SRGAP2B: variants seen among roughly 807,000 people sequenced by gnomAD.
The protein encoded by SRGAP2B is SLIT-ROBO Rho GTPase-activating protein 2B.
In SRGAP2B, 9 loss-of-function variants were observed where a neutral mutation model predicts 22.2. That is an observed-to-expected ratio of 0.41 (90% CI 0.24 to 0.71). SRGAP2B has a LOEUF of 0.71. Ranked by LOEUF, SRGAP2B falls within the 30% of genes least tolerant of loss-of-function variation. The probability of loss-of-function intolerance (pLI) is 0.35; values close to 1 mark genes in which losing one functional copy is unlikely to be tolerated. For missense variants in SRGAP2B, 114 were observed against 235.8 expected (o/e 0.48, Z 3.38); for synonymous variants, 36 against 87.4 (o/e 0.41, Z 3.28).
At chr1:144,968,653 C>T (rs1668259336) in intron 3 of SRGAP2B, among the ~76,000 whole-genome samples, 1 of 118,446 alleles carries the variant, frequency 8.4e-6, no homozygotes, top group Non-Finnish European at 1.7e-5. Flanking sequence ...AGCAATCAGG[C>T]AGGAGAAGGA....
At chr1:144,912,100 G>A (rs1385079794) in intron 5 of SRGAP2B, among the ~76,000 whole-genome samples, 7 of 146,504 alleles carry the variant, frequency 4.8e-5, no homozygotes, top group Middle Eastern at 3.7e-3. Context: ...ACAGGCACCC[G>A]CCACCATGCC....
intron 2 of SRGAP2B, among the ~76,000 whole-genome samples, chr1:145,058,615 G>GTTT (rs1650658005): frequency 5.0e-5 from 3 of 59,668 alleles, no homozygotes; most frequent in African/African-American, 2.1e-4. Flanking sequence ...ACCAGTCAAT[G>GTTT]TCTTTTTTTT....
At chr1:145,031,824 G>GCGAC (rs1648372847) in intron 2 of SRGAP2B, among the ~76,000 whole-genome samples, 1 of 139,190 alleles carries the variant, frequency 7.2e-6, no homozygotes. Context: ...TCCAGCCTGG[G>GCGAC]CGACAGAGCA....
At chr1:145,007,223 G>A (rs1392261286) in intron 2 of SRGAP2B, among the ~76,000 whole-genome samples, 3 of 149,864 alleles carry the variant, frequency 2.0e-5, no homozygotes, top group Admixed American at 2.0e-4. Context: ...GATCACAACA[G>A]GATTTGAACC....
intron 2 of SRGAP2B, among the ~76,000 whole-genome samples, chr1:145,012,958 C>A (rs1672167293): frequency 6.7e-6 from 1 of 150,190 alleles, no homozygotes; most frequent in Non-Finnish European, 1.5e-5. Context: ...GGTGGTGCAC[C>A]TGTAAGCCCA....
intron 3 of SRGAP2B, among the ~76,000 whole-genome samples, chr1:144,982,373 GT>G: frequency 1.0e-5 from 1 of 95,478 alleles, no homozygotes; most frequent in South Asian, 4.6e-4. Context: ...CAGCAAGTAA[GT>G]GGGAGAAATC....
chr1:144,974,948 G>A (rs1260193530), intron 3 of SRGAP2B, among the ~76,000 whole-genome samples: 1 of 149,630 alleles, frequency 6.7e-6, no homozygotes, highest in Non-Finnish European at 1.5e-5. Context: ...GAATGGCAAG[G>A]AGAACCTAGG....
At chr1:144,925,637 C>A (rs1553604839) in intron 4 of SRGAP2B, among the ~76,000 whole-genome samples, 1 of 84,874 alleles carries the variant, frequency 1.2e-5, no homozygotes. Context: ...GAGCAAGACT[C>A]AGAAAAAAAA....
intron 2 of SRGAP2B, among the ~76,000 whole-genome samples, chr1:145,081,699 G>A (rs1443303632): frequency 6.7e-6 from 1 of 148,658 alleles, no homozygotes; most frequent in Non-Finnish European, 1.5e-5. Flanking sequence ...AAATCTAATG[G>A]GGAAAGGAAG....
chr1:144,984,175 C>T (rs1387499930), intron 3 of SRGAP2B, among the ~76,000 whole-genome samples: 2 of 150,318 alleles, frequency 1.3e-5, no homozygotes, highest in Non-Finnish European at 2.9e-5. Flanking sequence ...ACAAAATTAG[C>T]CTGGCGTCGT....
intron 4 of SRGAP2B, among the ~76,000 whole-genome samples, chr1:144,944,642 CATTT>C (rs1666343653): frequency 7.0e-6 from 1 of 142,844 alleles, no homozygotes; most frequent in South Asian, 2.2e-4. Flanking sequence ...CATTGGATGG[CATTT>C]ATAGCATCTT....
chr1:144,908,072 TAAG>T (rs1224123907), intron 5 of SRGAP2B, among the ~76,000 whole-genome samples: 1 of 144,830 alleles, frequency 6.9e-6, no homozygotes, highest in Non-Finnish European at 1.5e-5. Flanking sequence ...CCAGGTTAAC[TAAG>T]AAGTGGAAAA....
At chr1:144,981,196 G>T (rs1217471503) in intron 3 of SRGAP2B, among the ~76,000 whole-genome samples, 1 of 139,764 alleles carries the variant, frequency 7.2e-6, no homozygotes, top group African/African-American at 2.8e-5. Context: ...CATTTAATTG[G>T]CTGCGAATTC....
chr1:144,965,092 T>C (rs782490163), intron 3 of SRGAP2B: 2 of 1,286,180 alleles, frequency 1.6e-6, no homozygotes, highest in Non-Finnish European at 2.3e-6. Context: ...GAGGATAGTT[T>C]AGAAGGATGC....
At chr1:144,989,798 A>G (rs1670037464) in intron 3 of SRGAP2B, among the ~76,000 whole-genome samples, 1 of 140,808 alleles carries the variant, frequency 7.1e-6, no homozygotes, top group Non-Finnish European at 1.5e-5. Context: ...TGTATTAAAT[A>G]CTTTCCTTCC....
At chr1:144,966,142 G>T (rs1386678861) in intron 3 of SRGAP2B, among the ~76,000 whole-genome samples, 1 of 148,188 alleles carries the variant, frequency 6.7e-6, no homozygotes, top group Non-Finnish European at 1.5e-5. Context: ...TACAGAGAAC[G>T]CCACAAAGAC....
chr1:144,966,018 G>A (rs1165335997), intron 3 of SRGAP2B, among the ~76,000 whole-genome samples: 1 of 150,784 alleles, frequency 6.6e-6, no homozygotes, highest in Non-Finnish European at 1.5e-5. Flanking sequence ...CGTCTGATTG[G>A]TGTACCTGAA....
rs1260486968 is a variant in SRGAP2B at position 145,094,050 on chromosome 1, A to T, written c.-542-607T>A. On this transcript the variant is annotated intron_variant, in intron 1 of 9. Transcript: ENST00000612199. Reference sequence around the variant, plus strand: ...GCTGAAGCAGGAAACGGGTTAGAGGATAGGGTCGGAGCCGGGAAAACCGGG... The same window carrying T: ...GCTGAAGCAGGAAACGGGTTAGAGGTTAGGGTCGGAGCCGGGAAAACCGGG... Among the ~76,000 whole-genome samples the T allele has an allele frequency of 2.2e-5, 3 of 137,884 alleles. 1 individual carries two copies. Among genetic ancestry groups the T allele is most frequent in the African/African-American group, 8.7e-5 (3 of 34,494 alleles). 90.5% of individuals were successfully genotyped at this position (137,884 alleles called of 152,430 possible).
chr1:144,977,647 AT>A (rs1328897460), intron 3 of SRGAP2B, among the ~76,000 whole-genome samples: 2 of 132,752 alleles, frequency 1.5e-5, no homozygotes, highest in African/African-American at 6.0e-5. Flanking sequence ...AGAATTGAGT[AT>A]GAAAAGGGTG....
Sources: allele counts gnomAD v4.1 joint callset (sites outside exome capture counted in the v4.1 genomes callset), GRCh38; gene constraint gnomAD v4.1.1; transcripts MANE v1.5; gene names NCBI Gene and HGNC (gene_info 2026-07-23, HGNC 2026-07-21).